Variants in GALNTL6 observed in about 807,000 individuals in gnomAD.
The protein encoded by GALNTL6 is polypeptide N-acetylgalactosaminyltransferase like 6, also known as polypeptide N-acetylgalactosaminyltransferase-like 6.
In GALNTL6, 46 loss-of-function variants were observed where a neutral mutation model predicts 73.7. That is an observed-to-expected ratio of 0.62 (90% CI 0.49 to 0.80). The LOEUF is 0.80. Ranked by LOEUF, GALNTL6 falls within the 30% of genes least tolerant of loss-of-function variation. GALNTL6 has a pLI of 0.00. For synonymous variants in GALNTL6, 259 were observed against 263.7 expected (o/e 0.98, Z 0.17); for missense variants, 604 against 755.0 (o/e 0.80, Z 2.34).
At chr4:172,994,116 C>T (rs1296783933) in intron 10 of GALNTL6, among the ~76,000 whole-genome samples, 3 of 152,156 alleles carry the variant, frequency 2.0e-5, no homozygotes, top group Admixed American at 2.0e-4. Context: ...TGAGATTTTT[C>T]AGAAAGCTGA....
At chr4:172,366,111 C>T (rs1742549457) in intron 5 of GALNTL6, among the ~76,000 whole-genome samples, 1 of 152,128 alleles carries the variant, frequency 6.6e-6, no homozygotes, top group African/African-American at 2.4e-5. Context: ...CATATTCCTA[C>T]ATTCTGTATT....
Position 171,921,401 on chromosome 4 carries a change from G to A in GALNTL6, c.138+106683G>A, listed in dbSNP as rs535375238. ...CGTCTATCTACCTTGTACCTATGCA[G>A]TGTGGGTAGATAGAGGGATGGAAGA... On this transcript the variant is annotated intron_variant, in intron 2 of 12. Transcript: ENST00000506823. Among the ~76,000 whole-genome samples, 6 of 152,036 alleles carry A rather than the reference G, an allele frequency of 3.9e-5. No individual in the cohort carries two copies. In the South Asian group the frequency reaches 6.2e-4, roughly 16 times the overall value.
At chr4:172,705,359 GC>G (rs1416997257) in intron 5 of GALNTL6, among the ~76,000 whole-genome samples, 1 of 149,620 alleles carries the variant, frequency 6.7e-6, no homozygotes, top group Non-Finnish European at 1.5e-5. Context: ...GGTTTTTGCT[GC>G]ATGGGTATAT....
chr4:172,701,740 T>G (rs916558330), intron 5 of GALNTL6, among the ~76,000 whole-genome samples: 3 of 152,076 alleles, frequency 2.0e-5, no homozygotes, highest in Non-Finnish European at 4.4e-5. Flanking sequence ...TAAAATGGGT[T>G]CAGTACCTTT....
At chr4:172,369,157 G>A (rs532291139) in intron 5 of GALNTL6, among the ~76,000 whole-genome samples, 1 of 152,214 alleles carries the variant, frequency 6.6e-6, no homozygotes, top group South Asian at 2.1e-4. Flanking sequence ...AGAGCTGATT[G>A]GTCTGTTTTG....
At chr4:172,924,663 G>A (rs1412511678) in intron 8 of GALNTL6, among the ~76,000 whole-genome samples, 7 of 152,140 alleles carry the variant, frequency 4.6e-5, no homozygotes, top group Admixed American at 3.9e-4. Flanking sequence ...AAGCTCTGAG[G>A]AGGGAAACCT....
intron 2 of GALNTL6, among the ~76,000 whole-genome samples, chr4:172,008,935 A>C (rs1740918624): frequency 1.3e-5 from 2 of 152,132 alleles, no homozygotes; most frequent in African/African-American, 4.8e-5. Context: ...AGTTACATGA[A>C]GATTGATAAT....
At chr4:171,933,279 A>G (rs954627145) in intron 2 of GALNTL6, among the ~76,000 whole-genome samples, 36 of 152,226 alleles carry the variant, frequency 2.4e-4, no homozygotes, top group African/African-American at 8.7e-4. Context: ...TGGTAAAATA[A>G]GAATATTTCT....
At chr4:172,957,141 G>A (rs1749789113) in intron 10 of GALNTL6, among the ~76,000 whole-genome samples, 1 of 152,186 alleles carries the variant, frequency 6.6e-6, no homozygotes, top group African/African-American at 2.4e-5. Context: ...CTGGGCGGGA[G>A]CAAATCCCCG....
At chr4:172,338,971 G>T (rs951675212) in intron 4 of GALNTL6, among the ~76,000 whole-genome samples, 16 of 152,074 alleles carry the variant, frequency 1.1e-4, no homozygotes, top group African/African-American at 3.9e-4. Context: ...GGAGGGGAGA[G>T]GGCCTCACTT....
intron 5 of GALNTL6, among the ~76,000 whole-genome samples, chr4:172,458,111 T>G (rs1414014747): frequency 6.6e-6 from 1 of 152,074 alleles, no homozygotes; most frequent in Non-Finnish European, 1.5e-5. Flanking sequence ...AACGTGCTCC[T>G]GAATGACTAC....
chr4:172,233,024 A>G (rs548055052), intron 3 of GALNTL6, among the ~76,000 whole-genome samples: 2 of 152,126 alleles, frequency 1.3e-5, no homozygotes, highest in Non-Finnish European at 2.9e-5. Flanking sequence ...AAATCCAGCA[A>G]TCATTTTTAA....
chr4:172,310,145 T>A (rs1740300087), intron 3 of GALNTL6, among the ~76,000 whole-genome samples: 1 of 152,188 alleles, frequency 6.6e-6, no homozygotes, highest in Non-Finnish European at 1.5e-5. Context: ...TTACTAATGA[T>A]GTTTCCAATG....
intron 2 of GALNTL6, among the ~76,000 whole-genome samples, chr4:171,864,524 AT>A (rs1735921316): frequency 6.6e-6 from 1 of 152,232 alleles, no homozygotes; most frequent in Non-Finnish European, 1.5e-5. Flanking sequence ...GAAGCTGTAA[AT>A]TGCCCACTGA....
At chr4:172,928,907 T>TA (rs1430073552) in intron 8 of GALNTL6, among the ~76,000 whole-genome samples, 2 of 152,220 alleles carry the variant, frequency 1.3e-5, no homozygotes. Context: ...CGTTGGTCCC[T>TA]AAATTCTCCA....
chr4:172,431,235 T>A (rs927282891), intron 5 of GALNTL6, among the ~76,000 whole-genome samples: 5 of 152,138 alleles, frequency 3.3e-5, no homozygotes, highest in Admixed American at 3.3e-4. Context: ...ATTATACCAA[T>A]AACTAATGAA....
intron 2 of GALNTL6, among the ~76,000 whole-genome samples, chr4:171,925,640 A>G (rs992169523): frequency 6.6e-6 from 1 of 152,192 alleles, no homozygotes; most frequent in South Asian, 2.1e-4. Flanking sequence ...TCTCCATTTT[A>G]GAATTGTTTT....
chr4:172,530,192 A>G (rs904162692), intron 5 of GALNTL6, among the ~76,000 whole-genome samples: 3 of 152,134 alleles, frequency 2.0e-5, no homozygotes, highest in Non-Finnish European at 4.4e-5. Flanking sequence ...ACCCACATTG[A>G]TATTCCAAAA....
intron 2 of GALNTL6, among the ~76,000 whole-genome samples, chr4:172,130,742 A>G (rs922387282): frequency 1.3e-5 from 2 of 152,134 alleles, no homozygotes; most frequent in Non-Finnish European, 2.9e-5. Context: ...AGTTTTATAG[A>G]ACAGAAATTG....
Sources: allele counts gnomAD v4.1 joint callset (sites outside exome capture counted in the v4.1 genomes callset), GRCh38; gene constraint gnomAD v4.1.1; transcripts MANE v1.5; gene names NCBI Gene and HGNC (gene_info 2026-07-23, HGNC 2026-07-21).